KAZN: variants seen among roughly 807,000 people sequenced by gnomAD.
The protein encoded by KAZN is kazrin, periplakin interacting protein.
KAZN carries 40 observed loss-of-function variants against 87.4 expected under a neutral mutation model. The ratio of observed to expected loss-of-function variants is 0.46; its 90% CI spans 0.36 to 0.60. The LOEUF is 0.60. KAZN is among the 20% of genes least tolerant of loss of function. The probability of loss-of-function intolerance (pLI) is 0.00; values close to 1 mark genes in which losing one functional copy is unlikely to be tolerated. For synonymous variants in KAZN, 466 were observed against 458.3 expected (o/e 1.02, Z -0.22); for missense variants, 898 against 1,073.9 (o/e 0.84, Z 2.29).
chr1:14,587,977 G>A (rs568342610), intron 2 of KAZN, among the ~76,000 whole-genome samples: 8 of 152,146 alleles, frequency 5.3e-5, no homozygotes, highest in South Asian at 4.1e-4. Context: ...AGGCCATACA[G>A]AAAAGTAGTA....
intron 2 of KAZN, among the ~76,000 whole-genome samples, chr1:14,475,192 T>C (rs1668654804): frequency 6.6e-6 from 1 of 152,020 alleles, no homozygotes; most frequent in Non-Finnish European, 1.5e-5. Context: ...AGGAAAGATA[T>C]TGGGTGATGT....
intron 1 of KAZN, among the ~76,000 whole-genome samples, chr1:13,945,041 G>C (rs1210077359): frequency 1.3e-5 from 2 of 151,972 alleles, no homozygotes; most frequent in East Asian, 3.9e-4. Flanking sequence ...AAGAAAGCTA[G>C]TGTCATTTAA....
At chr1:14,164,386 A>G (rs936598089) in intron 1 of KAZN, among the ~76,000 whole-genome samples, 2 of 151,800 alleles carry the variant, frequency 1.3e-5, no homozygotes, top group Non-Finnish European at 2.9e-5. Flanking sequence ...GGCCTGCTTG[A>G]ATATCCTTAT....
chr1:14,075,027 A>G (rs1643397897), intron 1 of KAZN, among the ~76,000 whole-genome samples: 1 of 152,052 alleles, frequency 6.6e-6, no homozygotes, highest in Non-Finnish European at 1.5e-5. Context: ...TTCTTATTTG[A>G]GAAGAGTTTC....
intron 1 of KAZN, among the ~76,000 whole-genome samples, chr1:14,113,892 G>T (rs904480044): frequency 6.6e-6 from 1 of 152,246 alleles, no homozygotes; most frequent in Non-Finnish European, 1.5e-5. Flanking sequence ...GGCATCTACT[G>T]GCCAGTGACC....
chr1:14,114,506 A>T (rs1232669098), intron 1 of KAZN, among the ~76,000 whole-genome samples: 1 of 151,452 alleles, frequency 6.6e-6, no homozygotes, highest in Non-Finnish European at 1.5e-5. Context: ...CTCTTTGCCC[A>T]CCCCACCGTC....
rs547103140 is a variant in KAZN at position 14,769,929 on chromosome 1, G to A, written c.226+170706G>A. On this transcript the variant is annotated intron_variant, in intron 1 of 14. Coordinates refer to ENST00000376030, the MANE Select transcript of KAZN (RefSeq NM_201628.3). This position sits in a 1 kb window ranked among gnomAD's most constrained non-coding sequence, Gnocchi z 4.1. ...GAGTGTAACTCAGCTCAGAGATCAG[G>A]GATGGCCCCTCTGAGCAGGTGATGG... Among the ~76,000 whole-genome samples the A allele has an allele frequency of 2.6e-5, 4 of 152,292 alleles. No homozygotes were observed. The highest frequency in any genetic ancestry group is 2.0e-4 in the Admixed American group (3 of 15,290).
intron 3 of KAZN, among the ~76,000 whole-genome samples, chr1:15,037,980 G>T (rs767190341): frequency 6.6e-6 from 1 of 151,860 alleles, no homozygotes; most frequent in Non-Finnish European, 1.5e-5. Flanking sequence ...AGCCAGTTAC[G>T]GTGGCTCACA....
chr1:14,831,517 G>C (rs1425055690), intron 1 of KAZN, among the ~76,000 whole-genome samples: 2 of 152,134 alleles, frequency 1.3e-5, no homozygotes, highest in South Asian at 2.1e-4. Context: ...TGTGGGTGCT[G>C]TGTGTTGCTT....
At chr1:14,088,276 A>G (rs989951679) in intron 1 of KAZN, among the ~76,000 whole-genome samples, 5 of 151,842 alleles carry the variant, frequency 3.3e-5, no homozygotes, top group African/African-American at 1.2e-4. Flanking sequence ...ATTTCATACT[A>G]TAAATTTCCC....
intron 2 of KAZN, among the ~76,000 whole-genome samples, chr1:14,522,914 C>G (rs187098436): frequency 1.3e-5 from 2 of 152,318 alleles, no homozygotes; most frequent in Non-Finnish European, 2.9e-5. Flanking sequence ...CTCATTGATT[C>G]TCTGGGTGCC....
intron 1 of KAZN, among the ~76,000 whole-genome samples, chr1:14,919,792 T>C (rs1658296855): frequency 6.6e-6 from 1 of 152,214 alleles, no homozygotes. Flanking sequence ...GTTTTTCTGT[T>C]GAGATATGTT....
chr1:14,724,515 T>G (rs952654442), intron 1 of KAZN, among the ~76,000 whole-genome samples: 2 of 152,228 alleles, frequency 1.3e-5, no homozygotes, highest in Non-Finnish European at 2.9e-5. Flanking sequence ...CTCTGGGTCC[T>G]CGAATGAGTC....
At position 14,937,473 on chromosome 1, in the gene KAZN, C is replaced by T. The variant is rs80344396; in HGVS notation, c.227-23211C>T. On this transcript the variant is annotated intron_variant, in intron 1 of 14. Coordinates refer to ENST00000376030, the MANE Select transcript of KAZN (RefSeq NM_201628.3). ...CACAGTCTCCTGGCCGTAATAATCA[C>T]GTCCCCTCCGCCTCTCTCCCTGCCA... Among the ~76,000 whole-genome samples the T allele has an allele frequency of 2.1e-3, 327 of 152,318 alleles. 2 individuals carry two copies. Among genetic ancestry groups the T allele is most frequent in the African/African-American group, 7.2e-3 (300 of 41,550 alleles).
chr1:14,720,717 C>T (rs1286584313), intron 1 of KAZN, among the ~76,000 whole-genome samples: 1 of 152,106 alleles, frequency 6.6e-6, no homozygotes, highest in Non-Finnish European at 1.5e-5. Context: ...GCTGCTTCCT[C>T]GTCACTTTTT....
At chr1:14,665,800 G>T (rs1467245885) in intron 1 of KAZN, among the ~76,000 whole-genome samples, 1 of 152,042 alleles carries the variant, frequency 6.6e-6, no homozygotes, top group Non-Finnish European at 1.5e-5. Context: ...TAGTTGTTCT[G>T]TTAAAGCACA....
At chr1:14,987,780 C>T (rs558887431) in intron 2 of KAZN, among the ~76,000 whole-genome samples, 5 of 152,270 alleles carry the variant, frequency 3.3e-5, no homozygotes, top group East Asian at 1.9e-4. Context: ...GCCACTTGAT[C>T]GGATTTCATT....
intron 1 of KAZN, among the ~76,000 whole-genome samples, chr1:13,977,597 ACTTTTT>A (rs1557758432): frequency 1.3e-5 from 2 of 152,206 alleles, no homozygotes; most frequent in Non-Finnish European, 2.9e-5. Flanking sequence ...TGTCAACTCC[ACTTTTT>A]CTTCTGGTTT....
chr1:14,397,488 G>A (rs1389568501), intron 2 of KAZN, among the ~76,000 whole-genome samples: 2 of 152,144 alleles, frequency 1.3e-5, no homozygotes, highest in Non-Finnish European at 2.9e-5. Flanking sequence ...GACATTGAGT[G>A]TTAGGGATTC....
Sources: allele counts gnomAD v4.1 joint callset (sites outside exome capture counted in the v4.1 genomes callset), GRCh38; gene constraint gnomAD v4.1.1; non-coding constraint Gnocchi (gnomAD v3.1); transcripts MANE v1.5; gene names NCBI Gene and HGNC (gene_info 2026-07-23, HGNC 2026-07-21).